Variants in CRLF3 observed in about 807,000 individuals in gnomAD.
The protein encoded by CRLF3 is cytokine receptor-like factor 3.
A neutral mutation model predicts 55.0 loss-of-function variants in CRLF3; 33 were observed. The ratio of observed to expected loss-of-function variants is 0.60; its 90% CI spans 0.46 to 0.80. The LOEUF is 0.80. CRLF3 is among the 30% of genes least tolerant of loss of function. The pLI, the probability that CRLF3 is intolerant of heterozygous loss-of-function variation, is 0.00. For synonymous variants in CRLF3, 238 were observed against 196.8 expected (o/e 1.21, Z -1.75); for missense variants, 494 against 538.4 (o/e 0.92, Z 0.82).
chr17:30,812,360 T>C (rs1014774826), intron 1 of CRLF3, among the ~76,000 whole-genome samples: 1 of 152,084 alleles, frequency 6.6e-6, no homozygotes, highest in Non-Finnish European at 1.5e-5. Flanking sequence ...ATTTAAACTC[T>C]ACCATAACCC....
At chr17:30,816,834 T>C (rs974218836) in intron 1 of CRLF3, among the ~76,000 whole-genome samples, 5 of 152,106 alleles carry the variant, frequency 3.3e-5, no homozygotes, top group South Asian at 2.1e-4. Context: ...GTTACAACTA[T>C]CTACAGTATT....
intron 2 of CRLF3, among the ~76,000 whole-genome samples, chr17:30,802,650 T>G (rs2142261477): frequency 6.8e-6 from 1 of 146,728 alleles, no homozygotes; most frequent in Middle Eastern, 4.2e-3. Context: ...CTTAAACTCC[T>G]GACCTCAAGT....
rs531910167 is a variant in CRLF3 at position 30,824,530 on chromosome 17, C to T, written c.122G>A (p.Arg41Gln). The change falls in exon 1 of 8, where the codon CGG becomes CAG. Residue 41 changes from arginine (R) to glutamine (Q), a missense_variant. Arg to Gln is a conservative substitution (Grantham distance 43). Transcript: ENST00000324238. ...GHRLEGLREA[R>Q]RQIKESASQT... ...TGGGTGTGGCCCTCCGACCTGCCTCCGCGCCTCACGCAGCCCCTCAAGCCG... is the reference window on the plus strand; with the variant it reads ...TGGGTGTGGCCCTCCGACCTGCCTCTGCGCCTCACGCAGCCCCTCAAGCCG... 1.3e-5 allele frequency: 20 copies of T among 1,590,576 alleles called. No homozygotes were observed. The highest frequency in any genetic ancestry group is 1.6e-5 in the Non-Finnish European group (19 of 1,174,126).
At chr17:30,787,991 C>A (rs534626545) in intron 6 of CRLF3, among the ~76,000 whole-genome samples, 1 of 150,518 alleles carries the variant, frequency 6.6e-6, no homozygotes, top group Admixed American at 6.7e-5. Context: ...CAGAGCGAGA[C>A]CTTGTCTTAA....
Position 30,785,922 on chromosome 17 carries a change from T to C in CRLF3, c.1069A>G (p.Asn357Asp). The C allele has an allele frequency of 6.5e-7, 1 of 1,531,762 alleles. No homozygotes were observed. Among genetic ancestry groups the C allele is most frequent in the Non-Finnish European group, 9.0e-7 (1 of 1,107,688 alleles). The allele number at this position is 1,531,762 out of a possible 1,614,324, so 94.9% of individuals were successfully genotyped here. Residue 357 changes from asparagine to aspartate, a missense_variant, in exon 7 of 8, where the codon AAT becomes GAT. Coordinates refer to ENST00000324238, the MANE Select transcript of CRLF3 (RefSeq NM_015986.4). ...ATGACAGTTATTTATCTCTTACCATTTGTACTAATGCACACAGCTTGATCC... is the reference window on the plus strand; with the variant it reads ...ATGACAGTTATTTATCTCTTACCATCTGTACTAATGCACACAGCTTGATCC... The part of the protein sequence containing the change: ...QRDQAVCIST[N>D]GAVFVNGKEM...
At position 30,783,032 on chromosome 17, in the gene CRLF3, ATAAG is replaced by A. The variant is rs1455532004; in HGVS notation, c.*1151_*1154del. Reference sequence around the variant, plus strand: ...AAATTTAAGTAAGTTTTTAAAAAAAATAAGTATTTACGCTATATTTTTTTGCTCT... The same window carrying A: ...AAATTTAAGTAAGTTTTTAAAAAAAATATTTACGCTATATTTTTTTGCTCT... On this transcript the variant is annotated 3_prime_UTR_variant, in exon 8 of 8. Coordinates refer to ENST00000324238, the MANE Select transcript of CRLF3 (RefSeq NM_015986.4). The A allele has an allele frequency of 2.0e-5, 3 of 152,212 alleles. No homozygotes were observed. The highest frequency in any genetic ancestry group is 2.1e-4 in the South Asian group (1 of 4,830). 9.4% of individuals were successfully genotyped at this position (152,212 alleles called of 1,614,324 possible).
At chr17:30,807,394 A>C (rs566556031) in intron 1 of CRLF3, among the ~76,000 whole-genome samples, 2 of 152,208 alleles carry the variant, frequency 1.3e-5, no homozygotes, top group East Asian at 3.9e-4. Flanking sequence ...GCAGAATACA[A>C]TATTGTTTCC....
Position 30,824,544 on chromosome 17 carries a change from C to A in CRLF3, c.108G>T (p.Gly36=). The change falls in exon 1 of 8, where the codon GGG becomes GGT. Residue 36 remains glycine, a synonymous_variant. Coordinates refer to ENST00000324238, the MANE Select transcript of CRLF3 (RefSeq NM_015986.4). ...CGACCTGCCTCCGCGCCTCACGCAG[C>A]CCCTCAAGCCGGTGACCCAGCTCCC... is the stretch of plus-strand genomic sequence containing the variant. ...YRRELGHRLE[G]LREARRQIKE... is the part of the protein sequence containing the mutation. 6.3e-7 allele frequency: 1 copy of A among 1,596,816 alleles called. No homozygotes were observed.
chr17:30,797,249 G>A (rs1454482111), intron 3 of CRLF3, 62 bp downstream of exon 3: 1 of 1,142,244 alleles, frequency 8.8e-7, no homozygotes, highest in East Asian at 2.3e-5. Flanking sequence ...AACAGAGGGA[G>A]GAAAAAAGCA....
chr17:30,793,888 T>G (rs1971863039), intron 4 of CRLF3, among the ~76,000 whole-genome samples: 2 of 151,938 alleles, frequency 1.3e-5, no homozygotes, highest in African/African-American at 4.8e-5. Context: ...ACCCAGGCTG[T>G]AGTGCAGTGG....
intron 6 of CRLF3, chr17:30,790,590 C>T: frequency 6.8e-6 from 1 of 146,696 alleles, no homozygotes; most frequent in Non-Finnish European, 1.5e-5. Flanking sequence ...AAATTCTTGG[C>T]CAGTAAATTT....
chr17:30,805,536 ACTC>A (rs1904370367), intron 1 of CRLF3, among the ~76,000 whole-genome samples: 2 of 151,806 alleles, frequency 1.3e-5, no homozygotes, highest in South Asian at 4.2e-4. Context: ...ACATGGTGAA[ACTC>A]CATCTCTACT....
chr17:30,788,370 A>T (rs929962858), intron 6 of CRLF3, among the ~76,000 whole-genome samples: 8 of 115,228 alleles, frequency 6.9e-5, no homozygotes, highest in Non-Finnish European at 1.1e-4. Flanking sequence ...AGGAAACCTT[A>T]AAAAAAATCA....
intron 2 of CRLF3, among the ~76,000 whole-genome samples, chr17:30,803,172 A>ATAT (rs1189977726): frequency 3.3e-5 from 5 of 150,662 alleles, no homozygotes; most frequent in African/African-American, 1.2e-4. Flanking sequence ...TGTCAAAAAA[A>ATAT]AAATATATAT....
At chr17:30,794,303 T>A (rs1272645904) in intron 4 of CRLF3, among the ~76,000 whole-genome samples, 1 of 152,096 alleles carries the variant, frequency 6.6e-6, no homozygotes, top group African/African-American at 2.4e-5. Context: ...CAAGAGATAA[T>A]TAACATACAG....
chr17:30,797,050 C>T (rs906871405), intron 3 of CRLF3, among the ~76,000 whole-genome samples: 1 of 151,956 alleles, frequency 6.6e-6, no homozygotes, highest in African/African-American at 2.4e-5. Flanking sequence ...AGGTCCATGC[C>T]CGTCTAATTT....
intron 6 of CRLF3, 68 bp from the exon 7 acceptor site, chr17:30,786,099 C>T: frequency 1.1e-6 from 1 of 875,654 alleles, no homozygotes; most frequent in Non-Finnish European, 1.9e-6. Flanking sequence ...TTAACAGCCA[C>T]TAGCTTAAAA....
At chr17:30,790,541 T>A (rs1376159675) in intron 6 of CRLF3, 1 of 151,786 alleles carries the variant, frequency 6.6e-6, no homozygotes, top group Non-Finnish European at 1.5e-5. Flanking sequence ...TGTTGTCTCT[T>A]ACAAAGACTT....
chr17:30,799,516 G>A (rs1458665293), intron 2 of CRLF3, among the ~76,000 whole-genome samples: 2 of 151,458 alleles, frequency 1.3e-5, no homozygotes, highest in Admixed American at 6.6e-5. Context: ...GTGCCACTAT[G>A]CCCAGCCAGG....
Sources: gnomAD v4.1 joint callset for allele counts (sites outside exome capture counted in the v4.1 genomes callset) on GRCh38, gnomAD v4.1.1 for gene constraint, MANE v1.5 for transcripts, NCBI Gene and HGNC (gene_info 2026-07-23, HGNC 2026-07-21) for gene names.